KRT71: variants seen among roughly 807,000 people sequenced by gnomAD.
KRT71 encodes the protein keratin 71.
Under a neutral mutation model 46.2 loss-of-function variants are expected in KRT71, and 42 were observed. The observed-to-expected ratio is 0.91, with a 90% confidence interval of 0.71 to 1.18. The LOEUF is 1.18. KRT71 is among the 50% of genes most tolerant of loss of function. The pLI, the probability that KRT71 is intolerant of heterozygous loss-of-function variation, is 0.00. For missense variants in KRT71, 708 were observed against 677.9 expected, an observed-to-expected ratio of 1.04 and a Z score of -0.49; for synonymous variants, 292 against 277.8, an observed-to-expected ratio of 1.05 and a Z score of -0.51.
chr12:52,552,748 G>A lies in KRT71; in HGVS notation c.330C>T (p.Ser110=). Residue 110 remains serine, a synonymous_variant, in exon 1 of 9, where the codon AGC becomes AGT. Coordinates refer to ENST00000267119, the MANE Select transcript of KRT71 (RefSeq NM_033448.3). ...GCTCCACGTTGAGGGGGGCCAGGAGGCTCTCATTGACGGTAACCTGGTGGA... is the reference window on the plus strand; with the variant it reads ...GCTCCACGTTGAGGGGGGCCAGGAGACTCTCATTGACGGTAACCTGGTGGA... ...GGIHQVTVNE[S]LLAPLNVELD... is the part of the protein sequence containing the mutation. The A allele has an allele frequency of 6.2e-7, 1 of 1,614,142 alleles. No individual in the cohort carries two copies. Among genetic ancestry groups the A allele is most frequent in the East Asian group, 2.2e-5 (1 of 44,870 alleles).
At position 52,544,250 on chromosome 12, in the gene KRT71, G is replaced by T; in HGVS notation, c.*282C>A. 1 of 527,798 alleles carries T rather than the reference G, an allele frequency of 1.9e-6. No individual in the cohort carries two copies. The highest frequency in any genetic ancestry group is 3.4e-6 in the Non-Finnish European group (1 of 291,690). 32.7% of individuals were successfully genotyped at this position (527,798 alleles called of 1,614,324 possible). A position where few individuals can be genotyped will look rare whatever the true frequency, so the allele number is the denominator to read the frequency against. ...ACTGCGCTAGAGGCCGGGCAGAGGA[G>T]GAAAGCTGGCAGCCAGGACCTGGGC... is the stretch of plus-strand genomic sequence containing the variant. On this transcript the variant is annotated 3_prime_UTR_variant, in exon 9 of 9. Transcript: ENST00000267119.
At chr12:52,548,359 G>A (rs773119964) in intron 4 of KRT71, 43 bp from the exon 5 acceptor site, 37 of 1,569,124 alleles carry the variant, frequency 2.4e-5, no homozygotes, top group South Asian at 3.6e-5. Context: ...AACTGCTGTC[G>A]GAAGCCAACC....
In KRT71 at chr12:52,550,123, G is replaced by T. The variant is rs747352923; in HGVS notation, c.562C>A (p.Leu188Met). 1.2e-5 allele frequency: 20 copies of T among 1,614,150 alleles called. No individual in the cohort carries two copies. The highest frequency in any genetic ancestry group is 1.4e-5 in the Non-Finnish European group (17 of 1,180,034). ...EPILEGYISNLRKQLETLSGD... is the reference protein window; with the variant it reads ...EPILEGYISNMRKQLETLSGD... ...GACAGCGTCTCCAGCTGCTTCCGCA[G>T]GTTGCTGATGTAGCCCTCGAGGATG... Residue 188 changes from leucine (L) to methionine (M), a missense_variant, in exon 2 of 9, where the codon CTG becomes ATG. Coordinates refer to ENST00000267119, the MANE Select transcript of KRT71 (RefSeq NM_033448.3).
Position 52,544,694 on chromosome 12 carries a change from G to A in KRT71, c.1410C>T (p.Ser470=), listed in dbSNP as rs1939028768. The change falls in exon 9 of 9, where the codon AGC becomes AGT. Residue 470 remains serine, a synonymous_variant. Transcript: ENST00000267119. ...TGGCCACATAGCCACCGCTGACCAT[G>A]CTGGGCCGGAAGCCATAGACACTGC... ...SGGSVYGFRP[S]MVSGGYVANS... 2 of 1,613,330 alleles carry A rather than the reference G, an allele frequency of 1.2e-6. No homozygotes were observed. The highest frequency in any genetic ancestry group is 4.5e-5 in the East Asian group (2 of 44,878).
At chr12:52,551,740 A>G (rs979250218) in intron 1 of KRT71, among the ~76,000 whole-genome samples, 1 of 152,002 alleles carries the variant, frequency 6.6e-6, no homozygotes. Context: ...CCTTTCCCCA[A>G]ATGACCCTGG....
In KRT71 at chr12:52,550,183, G is replaced by C. The variant is rs1248390507; in HGVS notation, c.502C>G (p.Leu168Val). The change falls in exon 2 of 9, where the codon CTG becomes GTG. Residue 168 changes from leucine (L) to valine (V), a missense_variant. By Grantham distance (32) the Leu-to-Val change is conservative (BLOSUM62 1). Transcript: ENST00000267119. ...LETKWELLQQ[L>V]DLNNCKNNLE... ...TTGTTCTTGCAGTTGTTCAGGTCCA[G>C]CTGCTGCAGCAGCTCCCACTTGGTC... is the stretch of plus-strand genomic sequence containing the variant. 1.9e-6 allele frequency: 3 copies of C among 1,614,200 alleles called. No homozygotes were observed. Among genetic ancestry groups the C allele is most frequent in the Middle Eastern group, 3.3e-4 (2 of 6,054 alleles).
rs779249487 is a variant in KRT71 at position 52,552,904 on chromosome 12, A to G, written c.174T>C (p.Asn58=). The G allele has an allele frequency of 6.2e-7, 1 of 1,614,156 alleles. No individual in the cohort carries two copies. The highest frequency in any genetic ancestry group is 8.5e-7 in the Non-Finnish European group (1 of 1,180,038). Residue 58 remains asparagine (N), a synonymous_variant, in exon 1 of 9, where the codon AAT becomes AAC. Coordinates refer to ENST00000267119, the MANE Select transcript of KRT71 (RefSeq NM_033448.3). ...CACTCTTCCCGCTGCCACTGGCCAC[A>G]TTGAGGCTCCGGACACCCCCCAGGC... The part of the protein sequence containing the change: ...LYSLGGVRSL[N]VASGSGKSGG...
At chr12:52,550,434 C>G (rs1204118522) in intron 1 of KRT71, among the ~76,000 whole-genome samples, 191 bp from the exon 2 acceptor site, 2 of 152,212 alleles carry the variant, frequency 1.3e-5, no homozygotes, top group African/African-American at 4.8e-5. Flanking sequence ...CAAGGCCCAA[C>G]AGTTTAAGAA....
intron 1 of KRT71, among the ~76,000 whole-genome samples, chr12:52,552,166 G>C (rs1253026460): frequency 6.6e-6 from 1 of 152,228 alleles, no homozygotes; most frequent in Non-Finnish European, 1.5e-5. Flanking sequence ...TGCCTCTCAA[G>C]AAAGTCTTCA....
At chr12:52,551,248 G>C (rs1286079999) in intron 1 of KRT71, among the ~76,000 whole-genome samples, 1 of 152,204 alleles carries the variant, frequency 6.6e-6, no homozygotes, top group Non-Finnish European at 1.5e-5. Flanking sequence ...CTGATCTCTG[G>C]AGACTGAAAT....
chr12:52,545,969 A>G (rs1287315594), intron 7 of KRT71, among the ~76,000 whole-genome samples: 9 of 151,966 alleles, frequency 5.9e-5, no homozygotes, highest in East Asian at 5.8e-4. Context: ...GGAAGAGGGA[A>G]CAAGAATGCC....
At chr12:52,545,818 A>G (rs1273197234) in intron 7 of KRT71, among the ~76,000 whole-genome samples, 2 of 152,154 alleles carry the variant, frequency 1.3e-5, no homozygotes, top group Non-Finnish European at 1.5e-5. Flanking sequence ...ACAATAGTTT[A>G]CAAAAGGTGC....
In KRT71 at chr12:52,552,699, G is replaced by T; in HGVS notation, c.379C>A (p.Arg127Ser). The T allele has an allele frequency of 6.2e-7, 1 of 1,613,892 alleles. No individual in the cohort carries two copies. Among genetic ancestry groups the T allele is most frequent in the Non-Finnish European group, 8.5e-7 (1 of 1,179,818 alleles). ...TTGATCTGCTCTCGCTCCTGGGCACGCACTTTCTGGATCTCGGGGTCCAGC... is the reference window on the plus strand; with the variant it reads ...TTGATCTGCTCTCGCTCCTGGGCACTCACTTTCTGGATCTCGGGGTCCAGC... ...VELDPEIQKVRAQEREQIKAL... is the reference protein window; with the variant it reads ...VELDPEIQKVSAQEREQIKAL... Residue 127 changes from arginine to serine, a missense_variant, in exon 1 of 9, where the codon CGT (arginine) becomes AGT (serine). Physicochemically the swap from Arg to Ser is moderately radical, Grantham distance 110. Coordinates refer to ENST00000267119, the MANE Select transcript of KRT71 (RefSeq NM_033448.3).
rs1939056053 is a variant in KRT71, at chr12:52,546,341, C to A, written c.1270G>T (p.Ala424Ser). ...EYQELMSLKLALDMEIATYRK... is the reference protein window; with the variant it reads ...EYQELMSLKLSLDMEIATYRK... ...TAGGTGGCGATCTCCATGTCCAGGGCCAGCTTCAGGCTCATGAGCTCCTGG... is the reference window on the plus strand; with the variant it reads ...TAGGTGGCGATCTCCATGTCCAGGGACAGCTTCAGGCTCATGAGCTCCTGG... The change falls in exon 7 of 9, where the codon GCC becomes TCC. Residue 424 changes from alanine (A) to serine (S), a missense_variant. Ala to Ser is a moderately conservative substitution (Grantham distance 99). Coordinates refer to ENST00000267119, the MANE Select transcript of KRT71 (RefSeq NM_033448.3). The A allele has an allele frequency of 6.2e-7, 1 of 1,614,068 alleles. No homozygotes were observed. Among genetic ancestry groups the A allele is most frequent in the African/African-American group, 1.3e-5 (1 of 74,932 alleles).
chr12:52,547,553 T>C (rs1217356188), intron 6 of KRT71, among the ~76,000 whole-genome samples: 2 of 152,082 alleles, frequency 1.3e-5, no homozygotes, highest in Non-Finnish European at 2.9e-5. Context: ...GTGTCAGTAA[T>C]AACAGGAAGT....
chr12:52,544,630 C>A lies in KRT71; in HGVS notation c.1474G>T (p.Gly492Cys), dbSNP rs760371207. 9 of 1,614,038 alleles carry A rather than the reference C, an allele frequency of 5.6e-6. No individual in the cohort carries two copies. The highest frequency in any genetic ancestry group is 4.2e-6 in the Non-Finnish European group (5 of 1,180,044). The change falls in exon 9 of 9, where the codon GGC becomes TGC. Residue 492 changes from glycine to cysteine, a missense_variant. Transcript: ENST00000267119. ...NCISGVCSVR[G>C]GEGRSRGSAN... The stretch of plus-strand genomic sequence containing the variant: ...CTGCCCCGGCTCCTGCCCTCCCCGC[C>A]TCTCACGCTGCACACTCCAGAGATG...
intron 3 of KRT71, 70 bp from the exon 4 acceptor site, chr12:52,548,866 G>A: frequency 1.5e-6 from 2 of 1,332,910 alleles, no homozygotes; most frequent in Non-Finnish European, 2.2e-6. Flanking sequence ...TCCCTGCCTG[G>A]GTTCCCTGAG....
intron 1 of KRT71, among the ~76,000 whole-genome samples, chr12:52,552,062 CACAG>C (rs556806933): frequency 2.2e-4 from 33 of 152,332 alleles, no homozygotes; most frequent in African/African-American, 7.5e-4. Context: ...GAGATGGCAA[CACAG>C]ACAGGCAGAT....
Position 52,546,422 on chromosome 12 carries a change from G to T in KRT71, c.1189C>A (p.Leu397Met). The T allele has an allele frequency of 1.2e-6, 2 of 1,614,206 alleles. No individual in the cohort carries two copies. The highest frequency in any genetic ancestry group is 8.5e-7 in the Non-Finnish European group (1 of 1,180,040). ...LKDARAKLDE[L>M]EGALHQAKEE... ...TTGGCCTGGTGCAGGGCGCCCTCCA[G>T]CTCGTCCAGCTTGGCCCGGGCATCC... The change falls in exon 7 of 9, where the codon CTG (leucine) becomes ATG (methionine). Residue 397 changes from leucine (L) to methionine (M), a missense_variant. Coordinates refer to ENST00000267119, the MANE Select transcript of KRT71 (RefSeq NM_033448.3).
Sources: gnomAD v4.1 joint callset for allele counts (sites outside exome capture counted in the v4.1 genomes callset) on GRCh38, gnomAD v4.1.1 for gene constraint, MANE v1.5 for transcripts, NCBI Gene and HGNC (gene_info 2026-07-23, HGNC 2026-07-21) for gene names.